ZNF608: variants seen among roughly 807,000 people sequenced by gnomAD.
ZNF608 encodes the protein renal carcinoma antigen NY-REN-36.
A neutral mutation model predicts 109.0 loss-of-function variants in ZNF608; 12 were observed. That is an observed-to-expected ratio of 0.11 (90% CI 0.07 to 0.18). The LOEUF (loss-of-function observed/expected upper bound fraction) is 0.18, where lower values mean the gene tolerates loss of function less well. Ranked by LOEUF, ZNF608 falls within the 10% of genes least tolerant of loss-of-function variation. The pLI is 1.00. For synonymous variants in ZNF608, 732 were observed against 717.4 expected (o/e 1.02, Z -0.33); for missense variants, 1,707 against 1,879.3 (o/e 0.91, Z 1.70).
chr5:124,647,063 C>G lies in ZNF608; in HGVS notation c.3321G>C (p.Lys1107Asn). ...TSPAYRQQYE[K>N]YYEDQRLAEQ... ...CTGCCAGCCTCTGGTCCTCATAGTA[C>G]TTCTCATACTGCTGTCTATAGGCAG... The change falls in exon 5 of 10, where the codon AAG (lysine) becomes AAC (asparagine). Residue 1107 changes from lysine to asparagine, a missense_variant. Lys to Asn is a moderately conservative substitution (Grantham distance 94, BLOSUM62 0). Coordinates refer to ENST00000513986, the MANE Select transcript of ZNF608 (RefSeq NM_020747.3). The G allele has an allele frequency of 6.2e-7, 1 of 1,614,062 alleles. No homozygotes were observed. Among genetic ancestry groups the G allele is most frequent in the Non-Finnish European group, 8.5e-7 (1 of 1,179,972 alleles).
At chr5:124,677,958 C>T (rs938966590) in intron 3 of ZNF608, among the ~76,000 whole-genome samples, 2 of 152,104 alleles carry the variant, frequency 1.3e-5, no homozygotes, top group Non-Finnish European at 2.9e-5. Context: ...GCGTTCTCAT[C>T]CTGCTAGATT....
intron 8 of ZNF608, among the ~76,000 whole-genome samples, chr5:124,639,603 T>A (rs1750144958): frequency 6.6e-6 from 1 of 152,222 alleles, no homozygotes; most frequent in Admixed American, 6.5e-5. Flanking sequence ...AATACTTTCA[T>A]AATAATTGTT....
At chr5:124,640,641 T>C (rs1265847416) in intron 8 of ZNF608, among the ~76,000 whole-genome samples, 2 of 152,212 alleles carry the variant, frequency 1.3e-5, no homozygotes, top group Admixed American at 6.5e-5. Flanking sequence ...TACTATGAGA[T>C]GACAAAGATG....
chr5:124,645,053 T>G (rs1317392353), intron 5 of ZNF608, among the ~76,000 whole-genome samples: 2 of 152,238 alleles, frequency 1.3e-5, no homozygotes, highest in African/African-American at 4.8e-5. Flanking sequence ...CGTTTGCCTT[T>G]TAATATCTCA....
In ZNF608 at chr5:124,746,426, T is replaced by C. The variant is rs143177494; in HGVS notation, c.-415A>G. The C allele has an allele frequency of 1.0e-6, 1 of 985,444 alleles. No homozygotes were observed. The highest frequency in any genetic ancestry group is 1.1e-4 in the East Asian group (1 of 8,824). The allele number at this position is 985,444 out of a possible 1,614,324, so 61.0% of individuals were successfully genotyped here. Reference sequence around the variant, plus strand: ...TCTCCTTAAAAAAAATGTGTCACTGTACAGCTGGAAAATAATGTTTCACAT... The same window carrying C: ...TCTCCTTAAAAAAAATGTGTCACTGCACAGCTGGAAAATAATGTTTCACAT... On this transcript the variant is annotated 5_prime_UTR_variant, in exon 1 of 10. Transcript: ENST00000513986.
At chr5:124,664,507 G>C (rs1196422721) in intron 3 of ZNF608, among the ~76,000 whole-genome samples, 3 of 152,124 alleles carry the variant, frequency 2.0e-5, no homozygotes, top group African/African-American at 7.2e-5. Flanking sequence ...CATTGATTGA[G>C]TGCTTTGCTA....
At chr5:124,709,950 C>T (rs995230600) in intron 2 of ZNF608, among the ~76,000 whole-genome samples, 3 of 152,178 alleles carry the variant, frequency 2.0e-5, no homozygotes, top group Non-Finnish European at 4.4e-5. Context: ...AGATCTTGTT[C>T]CCAATCCCTT....
intron 2 of ZNF608, among the ~76,000 whole-genome samples, chr5:124,723,643 G>A (rs938685875): frequency 7.2e-5 from 11 of 152,234 alleles, no homozygotes; most frequent in South Asian, 2.1e-4. Context: ...ACCAGAGATC[G>A]TGCCACTGCA....
In ZNF608 at chr5:124,648,238, T is replaced by C. The variant is rs1750624688; in HGVS notation, c.2146A>G (p.Lys716Glu). Residue 716 changes from lysine (K) to glutamate (E), a missense_variant, in exon 5 of 10, where the codon AAG (lysine) becomes GAG (glutamate). By Grantham distance (56) the Lys-to-Glu change is moderately conservative. Coordinates refer to ENST00000513986, the MANE Select transcript of ZNF608 (RefSeq NM_020747.3). ...IDKKNLGDKE[K>E]GKKATNCKTD... ...TTGCAGTTGGTAGCTTTTTTGCCCTTTTCTTTATCTCCTAAATTTTTCTTG... is the reference window on the plus strand; with the variant it reads ...TTGCAGTTGGTAGCTTTTTTGCCCTCTTCTTTATCTCCTAAATTTTTCTTG... The C allele has an allele frequency of 6.2e-7, 1 of 1,614,086 alleles. No homozygotes were observed. The highest frequency in any genetic ancestry group is 1.1e-5 in the South Asian group (1 of 91,086).
intron 3 of ZNF608, among the ~76,000 whole-genome samples, chr5:124,683,329 G>GT (rs1483277171): frequency 2.0e-5 from 3 of 152,128 alleles, no homozygotes; most frequent in Non-Finnish European, 4.4e-5. Flanking sequence ...TATGTTTGTT[G>GT]TTTTTAAGGT....
chr5:124,676,735 C>T (rs1023596017), intron 3 of ZNF608, among the ~76,000 whole-genome samples: 1 of 152,184 alleles, frequency 6.6e-6, no homozygotes, highest in Non-Finnish European at 1.5e-5. Flanking sequence ...ATTCAAACAA[C>T]ATGATGCAGC....
Position 124,646,802 on chromosome 5 carries a change from C to G in ZNF608, c.3582G>C (p.Gln1194His). The change falls in exon 5 of 10, where the codon CAG (glutamine) becomes CAC (histidine). Residue 1194 changes from glutamine to histidine, a missense_variant. Physicochemically the swap from Gln to His is conservative, Grantham distance 24. This residue lies in a region of ZNF608 where 1,073 missense variants were observed against 1,133.5 expected (regional missense o/e 0.95). Coordinates refer to ENST00000513986, the MANE Select transcript of ZNF608 (RefSeq NM_020747.3). The part of the protein sequence containing the change: ...QLLSNHQQQL[Q>H]ADSFKAKQME... ...TCTGCTTAGCTTTGAAGCTGTCGGC[C>G]TGAAGCTGCTGCTGGTGATTGGAGA... The G allele has an allele frequency of 6.2e-7, 1 of 1,614,246 alleles. No individual in the cohort carries two copies. Among genetic ancestry groups the G allele is most frequent in the Non-Finnish European group, 8.5e-7 (1 of 1,180,050 alleles).
At chr5:124,722,776 TA>T (rs144022927) in intron 2 of ZNF608, among the ~76,000 whole-genome samples, 1,603 of 152,214 alleles carry the variant, frequency 0.011, 39 homozygotes, top group African/African-American at 0.036. Flanking sequence ...AGAATCAGAA[TA>T]GGGGTTAGGA....
At chr5:124,668,195 A>AATATATAT (rs34612595) in intron 3 of ZNF608, among the ~76,000 whole-genome samples, 10 of 135,678 alleles carry the variant, frequency 7.4e-5, no homozygotes, top group South Asian at 2.3e-4. Flanking sequence ...TATGCTTAAA[A>AATATATAT]ATATATATAT....
intron 2 of ZNF608, among the ~76,000 whole-genome samples, chr5:124,706,417 T>A (rs1444767808): frequency 6.6e-6 from 1 of 152,292 alleles, no homozygotes; most frequent in Non-Finnish European, 1.5e-5. Context: ...CTGAAATCGA[T>A]AGGTGGTTTG....
In ZNF608 at chr5:124,643,524, C is replaced by T. The variant is rs1254605038; in HGVS notation, c.4283G>A (p.Ser1428Asn). 7 of 1,614,084 alleles carry T rather than the reference C, an allele frequency of 4.3e-6. No individual in the cohort carries two copies. The highest frequency in any genetic ancestry group is 2.2e-5 in the South Asian group (2 of 91,060). Reference protein sequence around the residue: ...LLQQHANQYRSKSPAPVEKAT... With the variant: ...LLQQHANQYRNKSPAPVEKAT... ...AAGGAGGCTTACAGCAGGAGACTTG[C>T]TGCGGTATTGGTTAGCATGCTGCTG... is the stretch of plus-strand genomic sequence containing the variant. Residue 1428 changes from serine (S) to asparagine (N), a missense_variant, in exon 7 of 10, where the codon AGC (serine) becomes AAC (asparagine). By Grantham distance (46) the Ser-to-Asn change is conservative. This residue lies in a region of ZNF608 where 1,073 missense variants were observed against 1,133.5 expected (regional missense o/e 0.95). Coordinates refer to ENST00000513986, the MANE Select transcript of ZNF608 (RefSeq NM_020747.3).
chr5:124,729,056 C>T (rs1040331546), intron 2 of ZNF608, among the ~76,000 whole-genome samples: 18 of 152,192 alleles, frequency 1.2e-4, no homozygotes, highest in African/African-American at 3.9e-4. Flanking sequence ...GCCCTTTAAG[C>T]GCTCATCTGC....
chr5:124,681,985 A>G (rs970140322), intron 3 of ZNF608, among the ~76,000 whole-genome samples: 1 of 152,244 alleles, frequency 6.6e-6, no homozygotes, highest in African/African-American at 2.4e-5. Context: ...TTATCAATCA[A>G]GCATGAGGGT....
chr5:124,723,027 A>G (rs1200611032), intron 2 of ZNF608, among the ~76,000 whole-genome samples: 1 of 151,972 alleles, frequency 6.6e-6, no homozygotes, highest in African/African-American at 2.4e-5. Context: ...GACTTTAAAA[A>G]AAAAATTTTT....
Sources: gnomAD v4.1 joint callset for allele counts (sites outside exome capture counted in the v4.1 genomes callset) on GRCh38, gnomAD v4.1.1 for gene constraint, gnomAD v4.1.1 regional missense constraint, MANE v1.5 for transcripts, NCBI Gene and HGNC (gene_info 2026-07-23, HGNC 2026-07-21) for gene names.